RFX1: variants seen among roughly 807,000 people sequenced by gnomAD.
RFX1 encodes the protein regulatory factor X1.
RFX1 carries 42 observed loss-of-function variants against 119.6 expected under a neutral mutation model. The ratio of observed to expected loss-of-function variants is 0.35; its 90% CI spans 0.27 to 0.45. RFX1 has a LOEUF of 0.45. Among genes scored for constraint, RFX1 ranks in the 20% least tolerant of loss-of-function variants. RFX1 has a pLI of 1.00. For missense variants in RFX1, 1,118 were observed against 1,368.1 expected, an observed-to-expected ratio of 0.82 and a Z score of 2.88; for synonymous variants, 628 against 618.5, an observed-to-expected ratio of 1.02 and a Z score of -0.23.
intron 2 of RFX1, among the ~76,000 whole-genome samples, chr19:13,991,453 G>T (rs181525437): frequency 1.3e-4 from 20 of 152,176 alleles, no homozygotes; most frequent in East Asian, 1.9e-4. Flanking sequence ...CTACACAGGC[G>T]GGGGGGCACT....
At chr19:14,004,361 A>C (rs1975306788) in intron 1 of RFX1, among the ~76,000 whole-genome samples, 1 of 152,184 alleles carries the variant, frequency 6.6e-6, no homozygotes, top group East Asian at 1.9e-4. Context: ...TACGAAAATC[A>C]GCCGGGCATG....
intron 1 of RFX1, among the ~76,000 whole-genome samples, chr19:14,004,365 G>A (rs1464478615): frequency 1.3e-5 from 2 of 152,146 alleles, no homozygotes; most frequent in Non-Finnish European, 2.9e-5. Flanking sequence ...AAAATCAGCC[G>A]GGCATGATGG....
chr19:13,970,215 G>C, intron 9 of RFX1, 40 bp from the exon 10 acceptor site: 1 of 1,527,828 alleles, frequency 6.5e-7, no homozygotes, highest in Non-Finnish European at 8.9e-7. Context: ...AGTCAGAGGC[G>C]CTTCCGTCAT....
At chr19:13,997,321 C>A (rs1975067855) in intron 1 of RFX1, among the ~76,000 whole-genome samples, 1 of 152,176 alleles carries the variant, frequency 6.6e-6, no homozygotes, top group Non-Finnish European at 1.5e-5. Context: ...GATGGATGCA[C>A]CACGATTTGA....
intron 7 of RFX1, 106 bp from the exon 8 acceptor site, chr19:13,978,192 C>T (rs1974311121): frequency 3.9e-6 from 3 of 768,506 alleles, no homozygotes; most frequent in Admixed American, 2.4e-5. Context: ...GCCCAGCTCC[C>T]GGACCCAAGG....
In RFX1 at chr19:13,993,867, T is replaced by A; in HGVS notation, c.-24A>T. 3 of 1,459,806 alleles carry A rather than the reference T, an allele frequency of 2.1e-6. No homozygotes were observed. The highest frequency in any genetic ancestry group is 1.3e-5 in the South Asian group (1 of 74,392). The allele number at this position is 1,459,806 out of a possible 1,614,324, so 90.4% of individuals were successfully genotyped here. On this transcript the variant is annotated 5_prime_UTR_variant, in exon 2 of 21. Transcript: ENST00000254325. ...ATGCCAACGGTGGGGAAAATGATAA[T>A]AAATAAGGCTTTTTTTTTTTTTTAA...
intron 1 of RFX1, among the ~76,000 whole-genome samples, chr19:14,001,576 C>T (rs1439985208): frequency 6.6e-6 from 1 of 152,224 alleles, no homozygotes; most frequent in Admixed American, 6.5e-5. Flanking sequence ...GCTGGGATTA[C>T]AAGCATAAGC....
intron 1 of RFX1, among the ~76,000 whole-genome samples, chr19:13,995,725 C>CGTGG (rs1974990080): frequency 1.3e-5 from 2 of 152,020 alleles, no homozygotes; most frequent in African/African-American, 4.8e-5. Context: ...GTGGCACATG[C>CGTGG]CTGTAATCCC....
chr19:13,969,881 A>C lies in RFX1; in HGVS notation c.1496+113T>G. ...GCGGGGCTGTCGAGGAGCCTCGCAG[A>C]GGCCGGCGGGACTGGGCTGGACTGG... On this transcript the variant is annotated intron_variant, in intron 10 of 20. Transcript: ENST00000254325. The surrounding 1 kb of genome is among the most constrained non-coding windows in gnomAD (Gnocchi z 4.5). 1 of 1,105,406 alleles carries C rather than the reference A, an allele frequency of 9.0e-7. No homozygotes were observed. The highest frequency in any genetic ancestry group is 1.3e-6 in the Non-Finnish European group (1 of 783,978). 68.5% of individuals were successfully genotyped at this position (1,105,406 alleles called of 1,614,324 possible).
Position 13,962,401 on chromosome 19 carries a change from C to T in RFX1, c.*294G>A. The T allele has an allele frequency of 2.2e-6, 1 of 459,630 alleles. No individual in the cohort carries two copies. Among genetic ancestry groups the T allele is most frequent in the Non-Finnish European group, 3.9e-6 (1 of 258,820 alleles). 28.5% of individuals were successfully genotyped at this position (459,630 alleles called of 1,614,324 possible). ...GGAGGACGGGGCTGGGGAGAAGACGCTGGGGCCTGGGAGGGGGGCGGCCAA... is the reference window on the plus strand; with the variant it reads ...GGAGGACGGGGCTGGGGAGAAGACGTTGGGGCCTGGGAGGGGGGCGGCCAA... On this transcript the variant is annotated 3_prime_UTR_variant, in exon 21 of 21. Transcript: ENST00000254325.
intron 2 of RFX1, 86 bp from the exon 3 acceptor site, chr19:13,983,681 C>T: frequency 8.6e-7 from 1 of 1,157,228 alleles, no homozygotes; most frequent in Non-Finnish European, 1.2e-6. Context: ...GAAGATGCAG[C>T]CTGAAGCCAA....
intron 1 of RFX1, among the ~76,000 whole-genome samples, chr19:13,994,889 CATACATATATATATATATATATATAT>C (rs1231247226): frequency 3.1e-5 from 2 of 64,070 alleles, no homozygotes; most frequent in East Asian, 4.2e-4. Flanking sequence ...TTGAAATATA[CATACATATATATATATATATATATAT>C]ATATATATAT....
intron 2 of RFX1, among the ~76,000 whole-genome samples, chr19:13,992,967 A>G (rs1490990047): frequency 6.6e-6 from 1 of 151,514 alleles, no homozygotes; most frequent in African/African-American, 2.4e-5. Context: ...CCTCATCTCT[A>G]CAAAAAATAC....
In RFX1 at chr19:13,963,044, A is replaced by C; in HGVS notation, c.2725-5T>G. The C allele has an allele frequency of 6.4e-7, 1 of 1,570,578 alleles. No individual in the cohort carries two copies. The highest frequency in any genetic ancestry group is 1.4e-5 in the African/African-American group (1 of 74,022). On this transcript the variant is annotated splice_region_variant and splice_polypyrimidine_tract_variant and intron_variant, in intron 19 of 20. Transcript: ENST00000254325. ...GGAGGTGGCCAGATTGGCGAACTGGAGGAAGAAGAGAAGAAAATGGGTGAG... is the reference window on the plus strand; with the variant it reads ...GGAGGTGGCCAGATTGGCGAACTGGCGGAAGAAGAGAAGAAAATGGGTGAG...
intron 5 of RFX1, among the ~76,000 whole-genome samples, chr19:13,981,572 G>C (rs1022042088): frequency 1.3e-5 from 2 of 152,154 alleles, no homozygotes; most frequent in African/African-American, 4.8e-5. Flanking sequence ...CTCCAGCCTG[G>C]GGGACAGAGC....
intron 2 of RFX1, among the ~76,000 whole-genome samples, chr19:13,993,040 C>G (rs571805925): frequency 6.6e-6 from 1 of 151,964 alleles, no homozygotes; most frequent in Non-Finnish European, 1.5e-5. Flanking sequence ...CTCAGGAGAC[C>G]GAGGTGGGAG....
At chr19:13,976,771 C>T (rs528082678) in intron 8 of RFX1, among the ~76,000 whole-genome samples, 24 of 152,112 alleles carry the variant, frequency 1.6e-4, no homozygotes, top group Admixed American at 4.6e-4. Flanking sequence ...GAGGCCAAGA[C>T]GGGAGGATCA....
intron 9 of RFX1, 86 bp downstream of exon 9, chr19:13,972,657 T>A: frequency 9.5e-7 from 1 of 1,047,158 alleles, no homozygotes; most frequent in South Asian, 1.6e-5. Flanking sequence ...CTAGCGGTGG[T>A]TGGTAACCAC....
At chr19:14,005,114 G>A (rs1975330585) in intron 1 of RFX1, among the ~76,000 whole-genome samples, 1 of 152,160 alleles carries the variant, frequency 6.6e-6, no homozygotes, top group South Asian at 2.1e-4. Context: ...AGACCTCGAT[G>A]GGCAGGACCC....
Sources: allele counts gnomAD v4.1 joint callset (sites outside exome capture counted in the v4.1 genomes callset), GRCh38; gene constraint gnomAD v4.1.1; non-coding constraint Gnocchi (gnomAD v3.1); transcripts MANE v1.5; gene names NCBI Gene and HGNC (gene_info 2026-07-23, HGNC 2026-07-21).